The following ST8SIA5 variants were observed in gnomAD, a reference collection of about 807,000 sequenced individuals.
The protein encoded by ST8SIA5 is alpha-2,8-sialyltransferase 8E.
ST8SIA5 carries 24 observed loss-of-function variants against 40.2 expected under a neutral mutation model. That is an observed-to-expected ratio of 0.60 (90% CI 0.43 to 0.84). The LOEUF (loss-of-function observed/expected upper bound fraction) is 0.84, where lower values mean the gene tolerates loss of function less well. Among genes scored for constraint, ST8SIA5 ranks in the 40% least tolerant of loss-of-function variants. ST8SIA5 has a pLI of 0.00. For synonymous variants in ST8SIA5, 198 were observed against 201.8 expected (o/e 0.98, Z 0.16); for missense variants, 465 against 498.5 (o/e 0.93, Z 0.64).
Position 46,680,386 on chromosome 18 carries a change from AC to A in ST8SIA5, c.786del (p.Lys262AsnfsTer65). The part of the protein sequence containing the change: ...TRNTDVSIRV[K>X]YVLDDFESPQ... Reference sequence around the variant, plus strand: ...GGCGATTCGAAGTCGTCCAGCACGTACTTGACGCGGATGGACACGTCGGTGT... The same window carrying A: ...GGCGATTCGAAGTCGTCCAGCACGTATTGACGCGGATGGACACGTCGGTGT... On this transcript the variant is annotated frameshift_variant, in exon 7 of 7. Coordinates refer to ENST00000315087, the MANE Select transcript of ST8SIA5 (RefSeq NM_013305.6). LOFTEE classifies it high-confidence loss of function. 6.2e-7 allele frequency: 1 copy of A among 1,614,018 alleles called. No homozygotes were observed. Among genetic ancestry groups the A allele is most frequent in the Non-Finnish European group, 8.5e-7 (1 of 1,179,946 alleles).
chr18:46,685,020 T>C (rs73433034), intron 5 of ST8SIA5, among the ~76,000 whole-genome samples: 3,219 of 152,198 alleles, frequency 0.021, 116 homozygotes, highest in African/African-American at 0.074. Flanking sequence ...CTAACTGGGC[T>C]CTAATGGTGT....
At chr18:46,710,346 C>T (rs969369226) in intron 1 of ST8SIA5, among the ~76,000 whole-genome samples, 1 of 144,848 alleles carries the variant, frequency 6.9e-6, no homozygotes, top group Admixed American at 6.9e-5. Context: ...TTCTTCCTTT[C>T]CTTCTTTCCT....
intron 4 of ST8SIA5, among the ~76,000 whole-genome samples, chr18:46,688,568 T>C (rs1359191305): frequency 6.6e-6 from 1 of 152,212 alleles, no homozygotes; most frequent in Admixed American, 6.5e-5. Context: ...TCATAGACAG[T>C]TGGCAGTCAT....
chr18:46,726,975 C>G (rs890741646), intron 1 of ST8SIA5, among the ~76,000 whole-genome samples: 3 of 152,236 alleles, frequency 2.0e-5, no homozygotes, highest in African/African-American at 7.2e-5. Context: ...AACTCGTAAT[C>G]ACTAACAAGG....
At chr18:46,738,793 G>T (rs180885088) in intron 1 of ST8SIA5, among the ~76,000 whole-genome samples, 1 of 152,166 alleles carries the variant, frequency 6.6e-6, no homozygotes, top group Admixed American at 6.5e-5. Flanking sequence ...GGTCGGGGGA[G>T]AGTTGGCTCA....
chr18:46,740,644 A>G (rs2040078840), intron 1 of ST8SIA5, among the ~76,000 whole-genome samples: 1 of 152,244 alleles, frequency 6.6e-6, no homozygotes, highest in African/African-American at 2.4e-5. Flanking sequence ...AAGCACTTCT[A>G]ACTTCATGAG....
chr18:46,690,800 G>C (rs1218883812), intron 3 of ST8SIA5, among the ~76,000 whole-genome samples: 1 of 152,030 alleles, frequency 6.6e-6, no homozygotes, highest in Non-Finnish European at 1.5e-5. Context: ...ATTTTTAGTA[G>C]AGACAGGGTT....
chr18:46,720,907 C>T (rs1319938203), intron 1 of ST8SIA5, among the ~76,000 whole-genome samples: 1 of 152,166 alleles, frequency 6.6e-6, no homozygotes, highest in East Asian at 1.9e-4. Flanking sequence ...CTGCTCCAGC[C>T]AAGGGCAACC....
At chr18:46,740,778 T>C (rs1033449120) in intron 1 of ST8SIA5, among the ~76,000 whole-genome samples, 4 of 152,212 alleles carry the variant, frequency 2.6e-5, no homozygotes, top group African/African-American at 7.2e-5. Context: ...AGTTTCCTCA[T>C]CTATAAAATA....
At position 46,675,886 on chromosome 18, in the gene ST8SIA5, C is replaced by CA. The variant is rs59973820; in HGVS notation, c.*4155dup. On this transcript the variant is annotated 3_prime_UTR_variant, in exon 7 of 7. Transcript: ENST00000315087. ...TCAACATAGCAAAACCCCGTTTCTACAAAAAAAAAAAAATTTTCAAATTAG... is the reference window on the plus strand; with the variant it reads ...TCAACATAGCAAAACCCCGTTTCTACAAAAAAAAAAAAAATTTTCAAATTAG... 36,126 of 144,346 alleles carry CA rather than the reference C, an allele frequency of 0.25. 4,701 individuals are homozygous for CA. The highest frequency in any genetic ancestry group is 0.41 in the Middle Eastern group (116 of 286). 8.9% of individuals were successfully genotyped at this position (144,346 alleles called of 1,614,324 possible).
chr18:46,756,117 G>C (rs1437190983), intron 1 of ST8SIA5, among the ~76,000 whole-genome samples: 3 of 152,234 alleles, frequency 2.0e-5, no homozygotes, highest in Admixed American at 6.5e-5. Flanking sequence ...CGTCAGCCTG[G>C]TTGCTTGGAA....
At chr18:46,703,169 G>A (rs1158002770) in intron 2 of ST8SIA5, among the ~76,000 whole-genome samples, 5 of 152,068 alleles carry the variant, frequency 3.3e-5, no homozygotes, top group African/African-American at 4.8e-5. Flanking sequence ...TTTTTGAGAC[G>A]GAGTCTCGCT....
At chr18:46,731,950 C>A (rs2039988461) in intron 1 of ST8SIA5, 1 of 152,064 alleles carries the variant, frequency 6.6e-6, no homozygotes, top group Non-Finnish European at 1.5e-5. Flanking sequence ...CATGAGGGGC[C>A]CAGACAGAGA....
At position 46,672,245 on chromosome 18, in the gene ST8SIA5, C is replaced by T. The variant is rs1215893902; in HGVS notation, c.*7797G>A. On this transcript the variant is annotated 3_prime_UTR_variant, in exon 7 of 7. Transcript: ENST00000315087. ...TAGCGTGCACCAAGGCATAGACTGC[C>T]TGCCTTAGGGTAATGACTCCCAACC... 1 of 152,200 alleles carries T rather than the reference C, an allele frequency of 6.6e-6. No homozygotes were observed. Among genetic ancestry groups the T allele is most frequent in the Non-Finnish European group, 1.5e-5 (1 of 68,046 alleles). 9.4% of individuals were successfully genotyped at this position (152,200 alleles called of 1,614,324 possible). A position where few individuals can be genotyped will look rare whatever the true frequency, so the allele number is the denominator to read the frequency against.
In ST8SIA5 at chr18:46,680,299, G is replaced by C. The variant is rs1213873074; in HGVS notation, c.874C>G (p.Leu292Val). Reference protein sequence around the residue: ...LVNVSRYWLSLGVRAKRISTG... With the variant: ...LVNVSRYWLSVGVRAKRISTG... ...CTGATGCGCTTGGCGCGCACCCCCA[G>C]GCTGAGCCAGTAGCGCGACACGTTG... Residue 292 changes from leucine to valine, a missense_variant, in exon 7 of 7, where the codon CTG becomes GTG. Transcript: ENST00000315087. 8.1e-6 allele frequency: 13 copies of C among 1,614,110 alleles called. No individual in the cohort carries two copies. The highest frequency in any genetic ancestry group is 2.2e-5 in the South Asian group (2 of 91,088).
chr18:46,704,966 G>T (rs2039655762), intron 1 of ST8SIA5, among the ~76,000 whole-genome samples: 1 of 152,222 alleles, frequency 6.6e-6, no homozygotes, highest in Admixed American at 6.5e-5. Flanking sequence ...TTTGTGGCTG[G>T]GAAGGAGAGG....
At chr18:46,738,665 C>T (rs2040058611) in intron 1 of ST8SIA5, among the ~76,000 whole-genome samples, 1 of 151,932 alleles carries the variant, frequency 6.6e-6, no homozygotes, top group African/African-American at 2.4e-5. Flanking sequence ...CCCTTCTTTC[C>T]AGGGCACCCT....
chr18:46,693,061 C>G lies in ST8SIA5; in HGVS notation c.225-806G>C, dbSNP rs369695899. On this transcript the variant is annotated intron_variant, in intron 2 of 6. Coordinates refer to ENST00000315087, the MANE Select transcript of ST8SIA5 (RefSeq NM_013305.6). ...TTTCCCCTCACTGCTGCCTCCTGACCGGCCCTGGGGCTGCCCTGCAGGGCA... is the reference window on the plus strand; with the variant it reads ...TTTCCCCTCACTGCTGCCTCCTGACGGGCCCTGGGGCTGCCCTGCAGGGCA... Among the ~76,000 whole-genome samples the G allele has an allele frequency of 2.6e-5, 4 of 152,108 alleles. No individual in the cohort carries two copies. In the East Asian group the frequency reaches 7.7e-4, roughly 29 times the overall value.
chr18:46,705,645 A>T (rs60454282), intron 1 of ST8SIA5, among the ~76,000 whole-genome samples: 1,929 of 152,352 alleles, frequency 0.013, 36 homozygotes, highest in African/African-American at 0.044. Context: ...CCTGTGGCAG[A>T]GGCCCGGTGA....
Sources: gnomAD v4.1 joint callset for allele counts (sites outside exome capture counted in the v4.1 genomes callset) on GRCh38, gnomAD v4.1.1 for gene constraint, MANE v1.5 for transcripts, NCBI Gene and HGNC (gene_info 2026-07-23, HGNC 2026-07-21) for gene names.